Variants in LSM8 observed in about 807,000 individuals in gnomAD.
LSM8 encodes the protein LSM8 homolog, U6 small nuclear RNA associated.
A neutral mutation model predicts 15.0 loss-of-function variants in LSM8; 14 were observed. The ratio of observed to expected loss-of-function variants is 0.93; its 90% CI spans 0.62 to 1.46. LSM8 has a LOEUF of 1.46. Among genes scored for constraint, LSM8 ranks in the 40% most tolerant of loss-of-function variants. LSM8 has a pLI of 0.00. For synonymous variants in LSM8, 50 were observed against 42.1 expected (o/e 1.19, Z -0.73); for missense variants, 90 against 115.4 (o/e 0.78, Z 1.01).
chr7:118,190,524 G>C (rs1808960689), intron 3 of LSM8: 1 of 152,122 alleles, frequency 6.6e-6, no homozygotes, highest in Admixed American at 6.6e-5. Context: ...TGGTGGGAGT[G>C]TTTGCACAAT....
rs564877696 is a variant in LSM8, at chr7:118,184,584, A to G, written c.31+330A>G. On this transcript the variant is annotated intron_variant, in intron 1 of 3. Transcript: ENST00000249299. ...GTGTTAAAGTTTGTGAATAAGATGA[A>G]CAGTCGTCCTGGCGGCGACAACAGT... 12 of 235,298 alleles carry G rather than the reference A, an allele frequency of 5.1e-5. No homozygotes were observed. The Admixed American group carries it at 5.6e-4, about 11-fold the overall frequency. 14.6% of individuals were successfully genotyped at this position (235,298 alleles called of 1,614,324 possible).
At position 118,203,914 on chromosome 7, in the gene LSM8, C is replaced by A. The variant is rs1809209036; in HGVS notation, c.*11912C>A. Among the ~76,000 whole-genome samples, 1 of 151,614 alleles carries A rather than the reference C, an allele frequency of 6.6e-6. No homozygotes were observed. Among genetic ancestry groups the A allele is most frequent in the Non-Finnish European group, 1.5e-5 (1 of 67,714 alleles). ...GTTTTTCTTGGTTGCTTTCTAATTCCTTTCCTCCCTTATTGGTTACCTATG... is the reference window on the plus strand; with the variant it reads ...GTTTTTCTTGGTTGCTTTCTAATTCATTTCCTCCCTTATTGGTTACCTATG... On this transcript the variant is annotated 3_prime_UTR_variant, in exon 4 of 4. Coordinates refer to ENST00000249299, the MANE Select transcript of LSM8 (RefSeq NM_016200.5).
At position 118,201,612 on chromosome 7, in the gene LSM8, CAT is replaced by C. The variant is rs574173169; in HGVS notation, c.*9612_*9613del. Among the ~76,000 whole-genome samples the C allele has an allele frequency of 3.3e-4, 50 of 152,138 alleles. No homozygotes were observed. The East Asian group carries it at 3.5e-3, about 11-fold the overall frequency. On this transcript the variant is annotated 3_prime_UTR_variant, in exon 4 of 4. Coordinates refer to ENST00000249299, the MANE Select transcript of LSM8 (RefSeq NM_016200.5). ...CATTAATTTGAGAATGTGTCTATATCATAGTAAAGTTTTAAACCTACATAATT... is the reference window on the plus strand; with the variant it reads ...CATTAATTTGAGAATGTGTCTATATCAGTAAAGTTTTAAACCTACATAATT...
chr7:118,190,343 A>G (rs1339532730), intron 3 of LSM8: 2 of 152,212 alleles, frequency 1.3e-5, no homozygotes, highest in Non-Finnish European at 2.9e-5. Context: ...TGTGCATAGT[A>G]ATTGATTTTA....
intron 1 of LSM8, chr7:118,185,283 A>T: frequency 1.2e-5 from 2 of 167,130 alleles, no homozygotes; most frequent in Non-Finnish European, 2.5e-5. Context: ...TTTTGAGTCG[A>T]GGGTCTCACT....
At chr7:118,189,009 A>G (rs1808931297) in intron 3 of LSM8, 1 of 152,386 alleles carries the variant, frequency 6.6e-6, no homozygotes, top group Non-Finnish European at 1.5e-5. Context: ...TGGTGCCTGT[A>G]ATCCCAGCAC....
chr7:118,199,619 A>G lies in LSM8; in HGVS notation c.*7617A>G, dbSNP rs555837295. Among the ~76,000 whole-genome samples, 8 of 152,276 alleles carry G rather than the reference A, an allele frequency of 5.3e-5. No homozygotes were observed. The East Asian group carries it at 1.4e-3, about 26-fold the overall frequency. On this transcript the variant is annotated 3_prime_UTR_variant, in exon 4 of 4. Coordinates refer to ENST00000249299, the MANE Select transcript of LSM8 (RefSeq NM_016200.5). ...AAGGTTGGTGCCATGGAAGGAAAAC[A>G]AGTAACTTTGCAACAATCTGTTCAA...
rs1373638880 is a variant in LSM8, at chr7:118,200,207, A to G, written c.*8205A>G. ...GTGCAGTAGCCATGAGGGACTAGGT[A>G]TCCAAGTGCACATTATATTGGCTTT... is the stretch of plus-strand genomic sequence containing the variant. On this transcript the variant is annotated 3_prime_UTR_variant, in exon 4 of 4. Transcript: ENST00000249299. Among the ~76,000 whole-genome samples, 1 of 152,158 alleles carries G rather than the reference A, an allele frequency of 6.6e-6. No homozygotes were observed. Among genetic ancestry groups the G allele is most frequent in the African/African-American group, 2.4e-5 (1 of 41,460 alleles).
chr7:118,192,152 A>T lies in LSM8; in HGVS notation c.*150A>T. On this transcript the variant is annotated 3_prime_UTR_variant, in exon 4 of 4. Transcript: ENST00000249299. ...GTAAATTAAAATATTTCTACATTTTATTGAAAAAAAAACCTTTTTTTTTGC... is the reference window on the plus strand; with the variant it reads ...GTAAATTAAAATATTTCTACATTTTTTTGAAAAAAAAACCTTTTTTTTTGC... 1 of 485,250 alleles carries T rather than the reference A, an allele frequency of 2.1e-6. No individual in the cohort carries two copies. Among genetic ancestry groups the T allele is most frequent in the Non-Finnish European group, 3.3e-6 (1 of 304,542 alleles). 30.1% of individuals were successfully genotyped at this position (485,250 alleles called of 1,614,324 possible).
chr7:118,196,223 TTCTA>T lies in LSM8; in HGVS notation c.*4225_*4228del, dbSNP rs956238306. ...AACAGTATTCTTGTGCTTGTGAAGC[TTCTA>T]TCTGTCTGTATCTACCTCAACCAAA... On this transcript the variant is annotated 3_prime_UTR_variant, in exon 4 of 4. Transcript: ENST00000249299. Among the ~76,000 whole-genome samples, 106 of 152,340 alleles carry T rather than the reference TTCTA, an allele frequency of 7.0e-4. No individual in the cohort carries two copies. The highest frequency in any genetic ancestry group is 2.2e-3 in the African/African-American group (92 of 41,584).
chr7:118,184,642 A>T (rs1291236005), intron 1 of LSM8: 1 of 166,210 alleles, frequency 6.0e-6, no homozygotes, highest in Non-Finnish European at 1.3e-5. Context: ...TTATTCACAT[A>T]ATTTGCTCGT....
chr7:118,184,255 G>A lies in LSM8; in HGVS notation c.31+1G>A, dbSNP rs1347949305. 2.0e-6 allele frequency: 3 copies of A among 1,503,194 alleles called. No homozygotes were observed. The highest frequency in any genetic ancestry group is 4.3e-5 in the Admixed American group (2 of 46,360). 93.1% of individuals were successfully genotyped at this position (1,503,194 alleles called of 1,614,324 possible). A position where few individuals can be genotyped will look rare whatever the true frequency, so the allele number is the denominator to read the frequency against. ...TCCGCTTTGGAGAACTACATCAACC[G>A]TATCCTCAAGCTGGCCGCCGCGGGC... On this transcript the variant is annotated splice_donor_variant, in intron 1 of 3. Transcript: ENST00000249299. LOFTEE classifies it high-confidence loss of function.
In LSM8 at chr7:118,199,468, A is replaced by C. The variant is rs754902819; in HGVS notation, c.*7466A>C. Among the ~76,000 whole-genome samples, 3 of 152,170 alleles carry C rather than the reference A, an allele frequency of 2.0e-5. No homozygotes were observed. The highest frequency in any genetic ancestry group is 4.4e-5 in the Non-Finnish European group (3 of 68,020). Reference sequence around the variant, plus strand: ...TTTCAAGTTAGGAAGCTATTGCAGTAATTAAACTGAGCTGACACATTTTCA... The same window carrying C: ...TTTCAAGTTAGGAAGCTATTGCAGTCATTAAACTGAGCTGACACATTTTCA... On this transcript the variant is annotated 3_prime_UTR_variant, in exon 4 of 4. Coordinates refer to ENST00000249299, the MANE Select transcript of LSM8 (RefSeq NM_016200.5).
rs953314936 is a variant in LSM8 at position 118,196,523 on chromosome 7, C to T, written c.*4521C>T. On this transcript the variant is annotated 3_prime_UTR_variant, in exon 4 of 4. Transcript: ENST00000249299. ...TTAGTTAACAGTATGCCATCTCCTA[C>T]TTACTGGCATCATCTGGGGAATGAA... is the stretch of plus-strand genomic sequence containing the variant. Among the ~76,000 whole-genome samples, 8 of 151,968 alleles carry T rather than the reference C, an allele frequency of 5.3e-5. No homozygotes were observed. Among genetic ancestry groups the T allele is most frequent in the Admixed American group, 6.6e-5 (1 of 15,236 alleles).
rs954977988 is a variant in LSM8 at position 118,197,815 on chromosome 7, T to C, written c.*5813T>C. 2.6e-5 allele frequency among the ~76,000 whole-genome samples: 4 copies of C among 152,198 alleles called. No homozygotes were observed. Among genetic ancestry groups the C allele is most frequent in the Non-Finnish European group, 4.4e-5 (3 of 68,026 alleles). On this transcript the variant is annotated 3_prime_UTR_variant, in exon 4 of 4. Coordinates refer to ENST00000249299, the MANE Select transcript of LSM8 (RefSeq NM_016200.5). ...TGGAGTCATACTTAGTTTGCAGAGC[T>C]TAGCATATTAATCTTACCATGTCTT...
rs1809059599 is a variant in LSM8, at chr7:118,195,206, G to A, written c.*3204G>A. Among the ~76,000 whole-genome samples, 1 of 152,138 alleles carries A rather than the reference G, an allele frequency of 6.6e-6. No homozygotes were observed. Among genetic ancestry groups the A allele is most frequent in the Non-Finnish European group, 1.5e-5 (1 of 68,016 alleles). ...AGCAAAAAGGAATAGTCACTAAACA[G>A]CGAAGGAAAGTGGTGGAATTATTAA... On this transcript the variant is annotated 3_prime_UTR_variant, in exon 4 of 4. Transcript: ENST00000249299.
At chr7:118,188,162 C>T (rs1460540067) in intron 2 of LSM8, 116 bp from the exon 3 acceptor site, 24 of 1,160,952 alleles carry the variant, frequency 2.1e-5, no homozygotes, top group Non-Finnish European at 2.6e-5. Flanking sequence ...TTTTATTTGC[C>T]GTCGTATAGG....
intron 3 of LSM8, 43 bp downstream of exon 3, chr7:118,188,448 T>C: frequency 6.4e-7 from 1 of 1,561,940 alleles, no homozygotes; most frequent in Non-Finnish European, 8.7e-7. Context: ...GATACTGCCT[T>C]ACTTTATGGA....
In LSM8 at chr7:118,203,944, G is replaced by A. The variant is rs1809209392; in HGVS notation, c.*11942G>A. On this transcript the variant is annotated 3_prime_UTR_variant, in exon 4 of 4. Transcript: ENST00000249299. ...CTCCCTTATTGGTTACCTATGAATT[G>A]CTCAGTTCTAACAATGATTTGTAAA... is the stretch of plus-strand genomic sequence containing the variant. 1.3e-5 allele frequency among the ~76,000 whole-genome samples: 2 copies of A among 151,424 alleles called. No individual in the cohort carries two copies. The highest frequency in any genetic ancestry group is 4.8e-5 in the African/African-American group (2 of 41,274).
Sources: gnomAD v4.1 joint callset for allele counts (sites outside exome capture counted in the v4.1 genomes callset) on GRCh38, gnomAD v4.1.1 for gene constraint, MANE v1.5 for transcripts, NCBI Gene and HGNC (gene_info 2026-07-23, HGNC 2026-07-21) for gene names.